The following TRIM2 variants were observed in gnomAD, a reference collection of about 807,000 sequenced individuals.
TRIM2 encodes tripartite motif containing 2, also known as tripartite motif-containing protein 2.
TRIM2 carries 20 observed loss-of-function variants against 75.2 expected under a neutral mutation model. The observed-to-expected ratio is 0.27, with a 90% CI of 0.19 to 0.39. The LOEUF (loss-of-function observed/expected upper bound fraction) is 0.39. Among genes scored for constraint, TRIM2 ranks in the 10% least tolerant of loss-of-function variants. TRIM2 has a pLI of 1.00. For synonymous variants in TRIM2, 373 were observed against 388.3 expected (o/e 0.96, Z 0.46); for missense variants, 660 against 990.8 (o/e 0.67, Z 4.48).
intron 1 of TRIM2, among the ~76,000 whole-genome samples, chr4:153,250,623 A>C (rs1473580459): frequency 6.6e-6 from 1 of 152,208 alleles, no homozygotes; most frequent in Non-Finnish European, 1.5e-5. Context: ...AATATGAGAA[A>C]AGTGCCAGGA....
chr4:153,198,131 A>G (rs1049377983), intron 1 of TRIM2, among the ~76,000 whole-genome samples: 1 of 152,254 alleles, frequency 6.6e-6, no homozygotes, highest in African/African-American at 2.4e-5. Context: ...ATTATTTTAA[A>G]AAAGAAATTA....
intron 1 of TRIM2, among the ~76,000 whole-genome samples, chr4:153,163,495 CTTTTTT>C (rs70949644): frequency 4.1e-5 from 4 of 98,680 alleles, no homozygotes; most frequent in African/African-American, 1.3e-4. Flanking sequence ...AGATTTACAT[CTTTTTT>C]TTTTTTTTTT....
chr4:153,300,562 A>G (rs935039760), intron 6 of TRIM2, among the ~76,000 whole-genome samples: 2 of 150,944 alleles, frequency 1.3e-5, no homozygotes, highest in Non-Finnish European at 3.0e-5. Flanking sequence ...TTTTTTTTTG[A>G]GACAGATTCT....
At chr4:153,306,976 T>C (rs1275325782) in intron 6 of TRIM2, among the ~76,000 whole-genome samples, 1 of 152,236 alleles carries the variant, frequency 6.6e-6, no homozygotes, top group African/African-American at 2.4e-5. Flanking sequence ...TCATTGAAAA[T>C]GCCCTTTAAC....
chr4:153,219,041 C>G lies in TRIM2; in HGVS notation c.30+14481C>G, dbSNP rs116556094. 6.2e-3 allele frequency among the ~76,000 whole-genome samples: 943 copies of G among 152,220 alleles called. 4 individuals carry two copies. Among genetic ancestry groups the G allele is most frequent in the African/African-American group, 0.021 (890 of 41,512 alleles). ...TTATAGTTAATTGTGTTTATCTTAA[C>G]CATAGCACCCATTAGTCATCCAACT... is the stretch of plus-strand genomic sequence containing the variant. On this transcript the variant is annotated intron_variant, in intron 1 of 11. Coordinates refer to ENST00000338700, the MANE Select transcript of TRIM2 (RefSeq NM_015271.5).
In TRIM2 at chr4:153,238,250, T is replaced by C. The variant is rs138126341; in HGVS notation, c.31-32085T>C. On this transcript the variant is annotated intron_variant, in intron 1 of 11. Coordinates refer to ENST00000338700, the MANE Select transcript of TRIM2 (RefSeq NM_015271.5). ...GTCCATAAGCCAATTAACACATCAT[T>C]TTTAGGGCAGATTTGCAAGTTCTCA... 8.5e-5 allele frequency among the ~76,000 whole-genome samples: 13 copies of C among 152,340 alleles called. No individual in the cohort carries two copies. The East Asian group carries it at 2.1e-3, about 25-fold the overall frequency.
Position 153,186,487 on chromosome 4 carries a change from C to G in TRIM2, c.-49+33217C>G, listed in dbSNP as rs556846604. ...ACTTAAAACTTTGAACCATTTCACC[C>G]TCTTAAGGAGCTGTACAAGGAGCTG... On this transcript the variant is annotated intron_variant, in intron 1 of 11. Transcript: ENST00000437508. Among the ~76,000 whole-genome samples the G allele has an allele frequency of 1.3e-3, 197 of 152,288 alleles. 1 individual carries two copies. Among genetic ancestry groups the G allele is most frequent in the African/African-American group, 4.6e-3 (191 of 41,558 alleles).
intron 1 of TRIM2, among the ~76,000 whole-genome samples, chr4:153,182,127 A>T (rs1732128138): frequency 6.6e-6 from 1 of 151,554 alleles, no homozygotes; most frequent in South Asian, 2.1e-4. Context: ...GAGAGATAAG[A>T]TGTGGTAGAG....
At chr4:153,198,991 G>C (rs1306516352) in intron 1 of TRIM2, among the ~76,000 whole-genome samples, 2 of 152,220 alleles carry the variant, frequency 1.3e-5, no homozygotes, top group Non-Finnish European at 2.9e-5. Flanking sequence ...TCGAAATTTA[G>C]AAAGTAGTGA....
intron 1 of TRIM2, chr4:153,267,039 A>G (rs1755357706): frequency 6.8e-6 from 1 of 147,770 alleles, no homozygotes; most frequent in Admixed American, 6.8e-5. Flanking sequence ...ATAAAAGTTG[A>G]CACGCTTTTT....
At chr4:153,200,750 T>G (rs1488578499), upstream of TRIM2, among the ~76,000 whole-genome samples, 4 of 145,970 alleles carry the variant, frequency 2.7e-5, no homozygotes, top group Non-Finnish European at 6.0e-5. Flanking sequence ...TATATATATA[T>G]GGCTATCCTA....
intron 1 of TRIM2, among the ~76,000 whole-genome samples, chr4:153,246,998 C>T (rs992914525): frequency 2.0e-5 from 3 of 152,190 alleles, no homozygotes; most frequent in African/African-American, 4.8e-5. Context: ...AGTGAGGCCT[C>T]CCGTTCTCAT....
At chr4:153,205,924 C>T (rs1207650147) in intron 1 of TRIM2, among the ~76,000 whole-genome samples, 1 of 152,144 alleles carries the variant, frequency 6.6e-6, no homozygotes, top group East Asian at 1.9e-4. Context: ...GTCCTAGAGC[C>T]CTGGAGAGGG....
intron 1 of TRIM2, among the ~76,000 whole-genome samples, chr4:153,178,527 T>C (rs1270268731): frequency 6.6e-6 from 1 of 152,198 alleles, no homozygotes; most frequent in Non-Finnish European, 1.5e-5. Context: ...ATTTTGCAGT[T>C]TGAGAGAGGG....
intron 1 of TRIM2, among the ~76,000 whole-genome samples, chr4:153,221,613 T>C (rs1740021195): frequency 6.6e-6 from 1 of 151,722 alleles, no homozygotes; most frequent in Non-Finnish European, 1.5e-5. Flanking sequence ...CCCTTGAAAG[T>C]AGACTCATGC....
chr4:153,201,411 T>TTTTA (rs1349916202), upstream of TRIM2, among the ~76,000 whole-genome samples: 32 of 152,216 alleles, frequency 2.1e-4, no homozygotes, highest in Admixed American at 4.6e-4. Flanking sequence ...TTTTTATTGT[T>TTTTA]GAATTGCAGG....
intron 1 of TRIM2, among the ~76,000 whole-genome samples, chr4:153,229,975 C>T (rs1304932539): frequency 6.6e-6 from 1 of 152,174 alleles, no homozygotes; most frequent in African/African-American, 2.4e-5. Flanking sequence ...CTTATTCAGC[C>T]AGTTCATTCA....
At chr4:153,329,670 T>C (rs1000962749) in intron 11 of TRIM2, among the ~76,000 whole-genome samples, 1 of 151,684 alleles carries the variant, frequency 6.6e-6, no homozygotes, top group African/African-American at 2.4e-5. Context: ...ACCCCATCTC[T>C]ACTAAAAATA....
intron 3 of TRIM2, among the ~76,000 whole-genome samples, chr4:153,278,352 GA>G (rs1277726348): frequency 1.3e-5 from 2 of 152,152 alleles, no homozygotes; most frequent in Admixed American, 1.3e-4. Flanking sequence ...GGTCCCAAGT[GA>G]TTCACCTGCC....
Sources: allele counts gnomAD v4.1 joint callset (sites outside exome capture counted in the v4.1 genomes callset), GRCh38; gene constraint gnomAD v4.1.1; transcripts MANE v1.5; gene names NCBI Gene and HGNC (gene_info 2026-07-23, HGNC 2026-07-21).